The following FOXP1 variants were observed in gnomAD, a reference collection of about 807,000 sequenced individuals.
FOXP1 encodes forkhead box P1.
In FOXP1, 15 loss-of-function variants were observed where a neutral mutation model predicts 98.2. The ratio of observed to expected loss-of-function variants is 0.15; its 90% CI spans 0.10 to 0.24. The LOEUF (loss-of-function observed/expected upper bound fraction) is 0.24, where lower values mean the gene tolerates loss of function less well. FOXP1 is among the 10% of genes least tolerant of loss of function. The pLI, the probability that FOXP1 is intolerant of heterozygous loss-of-function variation, is 1.00. For synonymous variants in FOXP1, 371 were observed against 314.5 expected (o/e 1.18, Z -1.90); for missense variants, 633 against 848.5 (o/e 0.75, Z 3.15).
chr3:71,003,902 G>A (rs2042427331), intron 12 of FOXP1, among the ~76,000 whole-genome samples: 1 of 151,874 alleles, frequency 6.6e-6, no homozygotes, highest in Non-Finnish European at 1.5e-5. Flanking sequence ...CACATCTTCA[G>A]TGACCATGTA....
chr3:71,270,503 C>T (rs2070236801), intron 5 of FOXP1, among the ~76,000 whole-genome samples: 1 of 152,080 alleles, frequency 6.6e-6, no homozygotes, highest in Admixed American at 6.5e-5. Flanking sequence ...AAAGTCAATC[C>T]CACAGAAGAG....
At chr3:71,057,369 C>T (rs951806960) in intron 7 of FOXP1, among the ~76,000 whole-genome samples, 1 of 109,188 alleles carries the variant, frequency 9.2e-6, no homozygotes, top group Admixed American at 1.3e-4. Context: ...GAGATAACAA[C>T]ATTCATTTCT....
At chr3:71,388,269 C>T (rs539881957) in intron 3 of FOXP1, among the ~76,000 whole-genome samples, 6 of 152,282 alleles carry the variant, frequency 3.9e-5, no homozygotes, top group South Asian at 2.1e-4. Context: ...CATTCAACTG[C>T]GTGACTTTTT....
At position 71,139,238 on chromosome 3, in the gene FOXP1, C is replaced by A. The variant is rs976511243; in HGVS notation, c.181-26601G>T. Among the ~76,000 whole-genome samples the A allele has an allele frequency of 2.6e-5, 4 of 152,138 alleles. No homozygotes were observed. The South Asian group carries it at 8.3e-4, about 31-fold the overall frequency. Reference sequence around the variant, plus strand: ...ACGCAGAATCTCCTGGTCCTCTGTTCTGGGCTCACACTGTCTGAATTAAAT... The same window carrying A: ...ACGCAGAATCTCCTGGTCCTCTGTTATGGGCTCACACTGTCTGAATTAAAT... On this transcript the variant is annotated intron_variant, in intron 6 of 20. Coordinates refer to ENST00000649528, the MANE Select transcript of FOXP1 (RefSeq NM_001349338.3).
chr3:71,231,882 G>C (rs2066318102), intron 5 of FOXP1, among the ~76,000 whole-genome samples: 1 of 152,236 alleles, frequency 6.6e-6, no homozygotes, highest in Non-Finnish European at 1.5e-5. Flanking sequence ...AGGGCAAAGA[G>C]TTCATACTTC....
intron 7 of FOXP1, among the ~76,000 whole-genome samples, chr3:71,103,615 A>G (rs539172034): frequency 3.2e-4 from 49 of 152,274 alleles, no homozygotes; most frequent in African/African-American, 1.1e-3. Context: ...ACAGGGTCCA[A>G]TGCTGTGTGC....
intron 3 of FOXP1, among the ~76,000 whole-genome samples, chr3:71,383,656 C>T (rs899593934): frequency 4.6e-5 from 7 of 152,100 alleles, no homozygotes; most frequent in Non-Finnish European, 8.8e-5. Context: ...TGTCTGTGCA[C>T]ATGTACTTAA....
In FOXP1 at chr3:71,098,245, T is replaced by C. The variant is rs1328063135; in HGVS notation, c.282+14291A>G. 3.3e-5 allele frequency among the ~76,000 whole-genome samples: 5 copies of C among 152,344 alleles called. No homozygotes were observed. In the East Asian group the frequency reaches 9.6e-4, roughly 29 times the overall value. ...CTGCAAGTATATTCCATCTTCACTA[T>C]GCTTCATTGAACGTAATCTTGACAC... On this transcript the variant is annotated intron_variant, in intron 7 of 20. Coordinates refer to ENST00000649528, the MANE Select transcript of FOXP1 (RefSeq NM_001349338.3).
intron 2 of FOXP1, among the ~76,000 whole-genome samples, chr3:71,539,738 C>T (rs572270730): frequency 5.3e-5 from 8 of 152,162 alleles, no homozygotes; most frequent in South Asian, 2.1e-4. Context: ...ATTGTAAATA[C>T]AATAGCTTGA....
chr3:71,041,310 T>C lies in FOXP1; in HGVS notation c.869+18A>G, dbSNP rs1348815330. 1 of 1,610,260 alleles carries C rather than the reference T, an allele frequency of 6.2e-7. No homozygotes were observed. Among genetic ancestry groups the C allele is most frequent in the African/African-American group, 1.3e-5 (1 of 74,834 alleles). On this transcript the variant is annotated intron_variant, in intron 11 of 20. Coordinates refer to ENST00000649528, the MANE Select transcript of FOXP1 (RefSeq NM_001349338.3). ...TGTTAAAGGCAGTTTTGGACCCATC[T>C]CAGTGGCTGGTTCCTACCTTTCCCT...
intron 6 of FOXP1, among the ~76,000 whole-genome samples, chr3:71,166,506 ATG>A (rs2108183295): frequency 6.6e-6 from 1 of 152,334 alleles, no homozygotes; most frequent in East Asian, 1.9e-4. Context: ...ACTTGTTTAC[ATG>A]TGTTTGGCCC....
chr3:71,064,981 C>T (rs1395444817), intron 7 of FOXP1: 1 of 147,894 alleles, frequency 6.8e-6, no homozygotes, highest in African/African-American at 2.5e-5. Context: ...GCCGCGCCCA[C>T]CCGCCCCGCC....
chr3:71,332,734 T>C (rs1293298555), intron 4 of FOXP1: 1 of 152,110 alleles, frequency 6.6e-6, no homozygotes, highest in East Asian at 1.9e-4. Context: ...CAAGACTCTA[T>C]CTCAAAAAAG....
chr3:71,041,267 G>A, intron 11 of FOXP1, 61 bp downstream of exon 11: 1 of 1,390,940 alleles, frequency 7.2e-7, no homozygotes, highest in South Asian at 1.2e-5. Context: ...GACGAGGCAG[G>A]GCCACCCACC....
chr3:71,210,016 TC>T (rs1260875473), intron 5 of FOXP1, among the ~76,000 whole-genome samples: 1 of 152,148 alleles, frequency 6.6e-6, no homozygotes, highest in East Asian at 1.9e-4. Context: ...CTGCTGGATA[TC>T]CAAAGCAAAA....
chr3:71,479,679 C>CAAAAAA (rs71120335), intron 3 of FOXP1, among the ~76,000 whole-genome samples: 1 of 56,540 alleles, frequency 1.8e-5, no homozygotes, highest in Non-Finnish European at 4.0e-5. Context: ...AACATCATCT[C>CAAAAAA]AAAAAAAAAA....
intron 19 of FOXP1, among the ~76,000 whole-genome samples, chr3:70,967,914 T>C (rs1467805908): frequency 1.3e-5 from 2 of 152,156 alleles, no homozygotes; most frequent in South Asian, 4.1e-4. Flanking sequence ...GCTAGCTTAA[T>C]TATTTTAGCA....
intron 5 of FOXP1, among the ~76,000 whole-genome samples, chr3:71,246,797 C>T (rs920609424): frequency 1.3e-5 from 2 of 152,178 alleles, no homozygotes; most frequent in African/African-American, 2.4e-5. Context: ...AACTCGTCTC[C>T]GTCACTCTTC....
intron 7 of FOXP1, among the ~76,000 whole-genome samples, chr3:71,060,286 T>C (rs750222770): frequency 3.3e-5 from 5 of 152,146 alleles, no homozygotes; most frequent in Non-Finnish European, 7.4e-5. Flanking sequence ...TTGTAGTTTC[T>C]CATGCCTATT....
Sources: allele counts gnomAD v4.1 joint callset (sites outside exome capture counted in the v4.1 genomes callset), GRCh38; gene constraint gnomAD v4.1.1; transcripts MANE v1.5; gene names NCBI Gene and HGNC (gene_info 2026-07-23, HGNC 2026-07-21).